COQ10B: variants seen among roughly 807,000 people sequenced by gnomAD.
COQ10B encodes the protein coenzyme Q-binding protein COQ10 homolog B, mitochondrial.
In COQ10B, 12 loss-of-function variants were observed where a neutral mutation model predicts 27.6. The ratio of observed to expected loss-of-function variants is 0.43; its 90% CI spans 0.28 to 0.70. The LOEUF is 0.70. COQ10B is among the 30% of genes least tolerant of loss of function. The pLI, the probability that COQ10B is intolerant of heterozygous loss-of-function variation, is 0.17. For missense variants in COQ10B, 278 were observed against 288.7 expected (o/e 0.96, Z 0.27); for synonymous variants, 115 against 103.0 (o/e 1.12, Z -0.71).
At chr2:197,460,808 T>C (rs2085749532) in intron 2 of COQ10B, among the ~76,000 whole-genome samples, 1 of 152,228 alleles carries the variant, frequency 6.6e-6, no homozygotes, top group East Asian at 1.9e-4. Flanking sequence ...AGCTCCTTCA[T>C]TGTAGTCCGA....
chr2:197,463,951 AAAAAAAAAAAAAAATATATATATATAT>A (rs1314517841), intron 3 of COQ10B, among the ~76,000 whole-genome samples: 6 of 79,754 alleles, frequency 7.5e-5, no homozygotes, highest in Non-Finnish European at 1.1e-4. Flanking sequence ...AAAAAAAAAA[AAAAAAAAAAAAAAATATATATATATAT>A]ATATATATAT....
chr2:197,455,154 CCTGGTACAA>C lies in COQ10B; in HGVS notation c.104+1491_104+1499del, dbSNP rs1559290151. Reference sequence around the variant, plus strand: ...GGTAGGCTGGGAGGCAATACATGAACCTGGTACAAAGGTTCATGTATTGCCTCCCAGTAA... The same window carrying C: ...GGTAGGCTGGGAGGCAATACATGAACAGGTTCATGTATTGCCTCCCAGTAA... On this transcript the variant is annotated intron_variant, in intron 1 of 4. Transcript: ENST00000263960. Among the ~76,000 whole-genome samples, 799 of 151,682 alleles carry C rather than the reference CCTGGTACAA, an allele frequency of 5.3e-3. 6 individuals carry two copies. The highest frequency in any genetic ancestry group is 0.018 in the African/African-American group (730 of 41,362).
At chr2:197,465,452 G>C (rs1374012816) in intron 3 of COQ10B, among the ~76,000 whole-genome samples, 1 of 152,046 alleles carries the variant, frequency 6.6e-6, no homozygotes, top group African/African-American at 2.4e-5. Flanking sequence ...ACCACGCTCG[G>C]CTATTTTTTT....
intron 2 of COQ10B, among the ~76,000 whole-genome samples, chr2:197,460,287 C>T (rs571938537): frequency 1.1e-4 from 17 of 150,050 alleles, no homozygotes; most frequent in African/African-American, 4.2e-4. Flanking sequence ...CTGTAACCTT[C>T]GCCTCTCAGA....
At chr2:197,453,867 C>T in intron 1 of COQ10B, 3 of 1,302,672 alleles carry the variant, frequency 2.3e-6, no homozygotes, top group Non-Finnish European at 3.2e-6. Flanking sequence ...GTGTTCGTGG[C>T]TCGTTTGCCT....
At chr2:197,458,576 A>C (rs902911658) in intron 1 of COQ10B, among the ~76,000 whole-genome samples, 4 of 152,208 alleles carry the variant, frequency 2.6e-5, no homozygotes, top group Non-Finnish European at 4.4e-5. Flanking sequence ...ATAGGAGCTC[A>C]GTAAATATGT....
intron 1 of COQ10B, among the ~76,000 whole-genome samples, chr2:197,456,632 G>T (rs2085701953): frequency 6.6e-6 from 1 of 151,718 alleles, no homozygotes; most frequent in Admixed American, 6.6e-5. Flanking sequence ...GGGCGTGGTG[G>T]CGGGCACCTG....
intron 1 of COQ10B, among the ~76,000 whole-genome samples, chr2:197,456,414 A>T (rs1255918533): frequency 6.7e-6 from 1 of 149,044 alleles, no homozygotes; most frequent in Non-Finnish European, 1.5e-5. Context: ...CAGTGAGCCG[A>T]GATAGCACCG....
At chr2:197,461,371 G>A (rs2085755841) in intron 2 of COQ10B, among the ~76,000 whole-genome samples, 1 of 152,024 alleles carries the variant, frequency 6.6e-6, no homozygotes, top group Non-Finnish European at 1.5e-5. Flanking sequence ...AGATATTACT[G>A]GCAACAGCTA....
At chr2:197,456,462 CAAA>C (rs1179848909) in intron 1 of COQ10B, among the ~76,000 whole-genome samples, 2 of 123,636 alleles carry the variant, frequency 1.6e-5, no homozygotes, top group African/African-American at 3.0e-5. Context: ...GACTCCATCT[CAAA>C]AAAAAAAAAG....
chr2:197,457,485 T>G (rs1158129294), intron 1 of COQ10B, among the ~76,000 whole-genome samples: 1 of 152,208 alleles, frequency 6.6e-6, no homozygotes, highest in Non-Finnish European at 1.5e-5. Context: ...CCCAGAAAAT[T>G]TAGAATTCAC....
Position 197,453,607 on chromosome 2 carries a change from G to A in COQ10B, c.47G>A (p.Gly16Glu). ...GHTALRRVVS[G>E]CRPKSATAAG... The stretch of plus-strand genomic sequence containing the variant: ...ACGGCCTTGAGAAGGGTAGTCTCGG[G>A]ATGCCGTCCGAAGTCGGCGACAGCG... Residue 16 changes from glycine to glutamate, a missense_variant, in exon 1 of 5, where the codon GGA (glycine) becomes GAA (glutamate). This residue lies in a region of COQ10B where 183 missense variants were observed against 158.2 expected (regional missense o/e 1.16). Coordinates refer to ENST00000263960, the MANE Select transcript of COQ10B (RefSeq NM_025147.5). 6.2e-7 allele frequency: 1 copy of A among 1,614,064 alleles called. No individual in the cohort carries two copies. The highest frequency in any genetic ancestry group is 8.5e-7 in the Non-Finnish European group (1 of 1,180,006).
chr2:197,470,246 C>G (rs1001023262), intron 4 of COQ10B, 75 bp downstream of exon 4: 96 of 782,462 alleles, frequency 1.2e-4, no homozygotes, highest in Middle Eastern at 2.4e-4. Flanking sequence ...TTTTAGAACA[C>G]AGAGGCCATA....
chr2:197,462,853 A>C, intron 3 of COQ10B, 122 bp downstream of exon 3: 1 of 559,684 alleles, frequency 1.8e-6, no homozygotes, highest in South Asian at 2.6e-5. Flanking sequence ...TAAAAAATTT[A>C]TTATATCTCC....
intron 3 of COQ10B, among the ~76,000 whole-genome samples, chr2:197,464,588 T>G (rs994993302): frequency 6.6e-6 from 1 of 152,182 alleles, no homozygotes; most frequent in East Asian, 1.9e-4. Flanking sequence ...CTTGCCTCAT[T>G]GTTTTAGAGT....
intron 2 of COQ10B, among the ~76,000 whole-genome samples, chr2:197,461,666 G>C (rs1474277862): frequency 1.4e-5 from 2 of 140,122 alleles, no homozygotes; most frequent in Non-Finnish European, 3.1e-5. Context: ...AGAGAGAGAG[G>C]TGTACAGGGT....
chr2:197,467,159 C>T (rs149755086), intron 3 of COQ10B, among the ~76,000 whole-genome samples: 2 of 152,056 alleles, frequency 1.3e-5, no homozygotes, highest in African/African-American at 4.8e-5. Context: ...GTTGGCCAGG[C>T]TGGTCTCAAA....
chr2:197,468,242 C>T (rs978968673), intron 3 of COQ10B, among the ~76,000 whole-genome samples: 1 of 151,528 alleles, frequency 6.6e-6, no homozygotes, highest in Non-Finnish European at 1.5e-5. Flanking sequence ...AGATCGAGAC[C>T]ATCCTGGCTA....
At chr2:197,467,553 T>G (rs533774602) in intron 3 of COQ10B, among the ~76,000 whole-genome samples, 3 of 152,200 alleles carry the variant, frequency 2.0e-5, no homozygotes, top group African/African-American at 7.2e-5. Context: ...AATTTTGTAT[T>G]TTTAGTAGAG....
Sources: allele counts gnomAD v4.1 joint callset (sites outside exome capture counted in the v4.1 genomes callset), GRCh38; gene constraint gnomAD v4.1.1; regional missense constraint gnomAD v4.1.1; transcripts MANE v1.5; gene names NCBI Gene and HGNC (gene_info 2026-07-23, HGNC 2026-07-21).